Variants in PHACTR2 observed in about 807,000 individuals in gnomAD.
PHACTR2 encodes chromosome 6 open reading frame 56.
In PHACTR2, 30 loss-of-function variants were observed where a neutral mutation model predicts 76.0. The observed-to-expected ratio is 0.39, with a 90% CI of 0.30 to 0.54. The LOEUF is 0.54. Ranked by LOEUF, PHACTR2 falls within the 20% of genes least tolerant of loss-of-function variation. PHACTR2 has a pLI of 0.61. For synonymous variants in PHACTR2, 292 were observed against 292.5 expected, an observed-to-expected ratio of 1.00 and a Z score of 0.02; for missense variants, 696 against 781.1, an observed-to-expected ratio of 0.89 and a Z score of 1.30.
intron 2 of PHACTR2, among the ~76,000 whole-genome samples, chr6:143,714,828 T>C (rs1778267141): frequency 1.3e-5 from 2 of 152,192 alleles, no homozygotes; most frequent in Admixed American, 6.5e-5. Context: ...CATCTTTTTT[T>C]CCCCTACATA....
rs1273854993 is a variant in PHACTR2 at position 143,683,909 on chromosome 6, GCAGT to G, written c.46+5703_46+5706del. On this transcript the variant is annotated intron_variant, in intron 1 of 12. Coordinates refer to ENST00000440869, the MANE Select transcript of PHACTR2 (RefSeq NM_001100164.2). This position sits in a 1 kb window ranked among gnomAD's most constrained non-coding sequence, Gnocchi z 4.1. ...TTCATTCATAGATATATCTTTATCA[GCAGT>G]CAAACAAGACATACTATACTTACTG... Among the ~76,000 whole-genome samples, 2 of 152,016 alleles carry G rather than the reference GCAGT, an allele frequency of 1.3e-5. No individual in the cohort carries two copies. The highest frequency in any genetic ancestry group is 1.9e-4 in the East Asian group (1 of 5,194).
At position 143,783,459 on chromosome 6, in the gene PHACTR2, A is replaced by G. The variant is rs894121857; in HGVS notation, c.1707+179A>G. On this transcript the variant is annotated intron_variant, in intron 10 of 12. Coordinates refer to ENST00000440869, the MANE Select transcript of PHACTR2 (RefSeq NM_001100164.2). The surrounding 1 kb of genome is among the most constrained non-coding windows in gnomAD (Gnocchi z 5.2). ...ACATGGTGAAACCCTAGCTCTACAA[A>G]AAATAAAAAAATTAGCCGGCATGGT... Among the ~76,000 whole-genome samples, 3 of 152,200 alleles carry G rather than the reference A, an allele frequency of 2.0e-5. No individual in the cohort carries two copies. The highest frequency in any genetic ancestry group is 7.2e-5 in the African/African-American group (3 of 41,446).
intron 1 of PHACTR2, among the ~76,000 whole-genome samples, chr6:143,693,687 A>G (rs1035696069): frequency 3.3e-5 from 5 of 152,168 alleles, no homozygotes; most frequent in Admixed American, 6.5e-5. Flanking sequence ...TTCTTAACCA[A>G]TTAAGGCCTC....
At chr6:143,667,473 C>A (rs9496723) in intron 1 of PHACTR2, among the ~76,000 whole-genome samples, 10,135 of 152,190 alleles carry the variant, frequency 0.067, 1,093 homozygotes, top group African/African-American at 0.23. Context: ...GACAGTATGG[C>A]CATTTTTATG....
At chr6:143,788,642 C>CTTT in intron 10 of PHACTR2, 131 bp from the exon 11 acceptor site, 17 of 435,888 alleles carry the variant, frequency 3.9e-5, no homozygotes, top group South Asian at 2.1e-4. Context: ...ATGCTGTTGC[C>CTTT]TTTTTTTTTT....
rs756768373 is a variant in PHACTR2, at chr6:143,822,030, T to C, written c.1923-1644T>C. ...CCCAACCCACCCTGCAAAAAGTAGG[T>C]AGAGGAAAGGGCATTAGCGCAAAAG... On this transcript the variant is annotated intron_variant, in intron 12 of 12. Coordinates refer to ENST00000440869, the MANE Select transcript of PHACTR2 (RefSeq NM_001100164.2). This position sits in a 1 kb window ranked among gnomAD's most constrained non-coding sequence, Gnocchi z 5.5. Among the ~76,000 whole-genome samples the C allele has an allele frequency of 6.6e-6, 1 of 151,334 alleles. No individual in the cohort carries two copies. The highest frequency in any genetic ancestry group is 1.5e-5 in the Non-Finnish European group (1 of 67,844).
rs1207799538 is a variant in PHACTR2, at chr6:143,698,315, T to A, written c.47-13701T>A. ...TCGCAAGTGGGGCATCCTCAATAACTATGTTAGAAAAAGTATAAAATCAAT... is the reference window on the plus strand; with the variant it reads ...TCGCAAGTGGGGCATCCTCAATAACAATGTTAGAAAAAGTATAAAATCAAT... On this transcript the variant is annotated intron_variant, in intron 1 of 12. Coordinates refer to ENST00000440869, the MANE Select transcript of PHACTR2 (RefSeq NM_001100164.2). The surrounding 1 kb of genome is among the most constrained non-coding windows in gnomAD (Gnocchi z 4.3). Among the ~76,000 whole-genome samples the A allele has an allele frequency of 6.6e-6, 1 of 152,174 alleles. No homozygotes were observed. The highest frequency in any genetic ancestry group is 1.5e-5 in the Non-Finnish European group (1 of 68,044).
chr6:143,567,149 C>A (rs1229837691), intron 1 of PHACTR2, among the ~76,000 whole-genome samples: 1 of 152,126 alleles, frequency 6.6e-6, no homozygotes, highest in Non-Finnish European at 1.5e-5. Flanking sequence ...CTTTAATTCA[C>A]TACCTCGAAG....
rs1332987663 is a variant in PHACTR2 at position 143,659,986 on chromosome 6, G to C, written c.13+51664G>C. On this transcript the variant is annotated intron_variant, in intron 1 of 11. Transcript: ENST00000305766. This position sits in a 1 kb window ranked among gnomAD's most constrained non-coding sequence, Gnocchi z 5.0. ...AAACTTAAATGTATGTATTTAGTAG[G>C]TACATATTAAATGTCATTATGGTAA... Among the ~76,000 whole-genome samples the C allele has an allele frequency of 6.6e-6, 1 of 152,118 alleles. No individual in the cohort carries two copies. The highest frequency in any genetic ancestry group is 2.4e-5 in the African/African-American group (1 of 41,408).
At chr6:143,798,478 G>A (rs1775880629) in intron 11 of PHACTR2, among the ~76,000 whole-genome samples, 1 of 152,268 alleles carries the variant, frequency 6.6e-6, no homozygotes, top group Admixed American at 6.5e-5. Flanking sequence ...TCTTGTGCCG[G>A]TTTTCAAAGG....
intron 1 of PHACTR2, among the ~76,000 whole-genome samples, chr6:143,577,242 G>A (rs535911585): frequency 7.2e-5 from 11 of 152,172 alleles, no homozygotes; most frequent in Non-Finnish European, 1.6e-4. Flanking sequence ...CCAAAACCCT[G>A]TGCCAGGCAA....
rs1445394769 is a variant in PHACTR2, at chr6:143,811,508, A to G, written c.1922+4375A>G. Among the ~76,000 whole-genome samples, 1 of 152,178 alleles carries G rather than the reference A, an allele frequency of 6.6e-6. No homozygotes were observed. Among genetic ancestry groups the G allele is most frequent in the Non-Finnish European group, 1.5e-5 (1 of 68,028 alleles). ...TGCAAATATATAAGCTTTCAGGGAGAGTAACAGCTAATATCAAGGGTAAAT... is the reference window on the plus strand; with the variant it reads ...TGCAAATATATAAGCTTTCAGGGAGGGTAACAGCTAATATCAAGGGTAAAT... On this transcript the variant is annotated intron_variant, in intron 12 of 12. Coordinates refer to ENST00000440869, the MANE Select transcript of PHACTR2 (RefSeq NM_001100164.2). The surrounding 1 kb of genome is among the most constrained non-coding windows in gnomAD (Gnocchi z 4.1).
intron 1 of PHACTR2, among the ~76,000 whole-genome samples, chr6:143,637,256 A>T (rs1776472899): frequency 6.6e-6 from 1 of 151,954 alleles, no homozygotes; most frequent in Non-Finnish European, 1.5e-5. Context: ...CCTTCCAAAT[A>T]ATTTTTTTTC....
upstream of PHACTR2, among the ~76,000 whole-genome samples, chr6:143,605,157 G>A (rs1775856283): frequency 6.6e-6 from 1 of 152,122 alleles, no homozygotes; most frequent in Non-Finnish European, 1.5e-5. The surrounding 1 kb of genome is among the most constrained non-coding windows in gnomAD (Gnocchi z 5.0). Context: ...GTGAGGGGTT[G>A]TGTCCTTCTT....
intron 1 of PHACTR2, among the ~76,000 whole-genome samples, chr6:143,593,801 G>T (rs190290187): frequency 6.6e-6 from 1 of 152,290 alleles, no homozygotes; most frequent in East Asian, 1.9e-4. Context: ...CCCTGTACTG[G>T]ACACCTTCCT....
In PHACTR2 at chr6:143,656,890, C is replaced by A. The variant is rs958689704; in HGVS notation, c.13+48568C>A. On this transcript the variant is annotated intron_variant, in intron 1 of 11. Transcript: ENST00000305766. This position sits in a 1 kb window ranked among gnomAD's most constrained non-coding sequence, Gnocchi z 5.3. ...ATGAACATAGGCTTGATTGGCCACACGAAAATTTAAATATTATGAATGTTG... is the reference window on the plus strand; with the variant it reads ...ATGAACATAGGCTTGATTGGCCACAAGAAAATTTAAATATTATGAATGTTG... Among the ~76,000 whole-genome samples the A allele has an allele frequency of 6.6e-6, 1 of 152,046 alleles. No individual in the cohort carries two copies. Among genetic ancestry groups the A allele is most frequent in the African/African-American group, 2.4e-5 (1 of 41,382 alleles).
Position 143,541,648 on chromosome 6 carries a change from T to G in PHACTR2, c.217+4441T>G, listed in dbSNP as rs538718621. Among the ~76,000 whole-genome samples the G allele has an allele frequency of 6.6e-6, 1 of 152,310 alleles. No homozygotes were observed. The highest frequency in any genetic ancestry group is 2.4e-5 in the African/African-American group (1 of 41,554). ...TAGGGGTAACAGCAAATCCAGGATC[T>G]TTTTCTCAAATCTTTAATTCCTGGT... On this transcript the variant is annotated intron_variant, in intron 1 of 11. Coordinates refer to the PHACTR2 transcript ENST00000367584. The surrounding 1 kb of genome is among the most constrained non-coding windows in gnomAD (Gnocchi z 5.3).
chr6:143,579,419 C>CAAAACA (rs1435393472), intron 1 of PHACTR2, among the ~76,000 whole-genome samples: 1 of 151,852 alleles, frequency 6.6e-6, no homozygotes, highest in Non-Finnish European at 1.5e-5. Context: ...TAGTAGAAAA[C>CAAAACA]AAAACAACAA....
intron 2 of PHACTR2, among the ~76,000 whole-genome samples, chr6:143,724,427 C>T (rs1299175105): frequency 2.0e-5 from 3 of 152,212 alleles, no homozygotes; most frequent in Non-Finnish European, 4.4e-5. Flanking sequence ...CCACCGCGCC[C>T]AGCCTAATTC....
Sources: gnomAD v4.1 joint callset for allele counts (sites outside exome capture counted in the v4.1 genomes callset) on GRCh38, gnomAD v4.1.1 for gene constraint, Gnocchi (gnomAD v3.1) non-coding constraint, MANE v1.5 for transcripts, NCBI Gene and HGNC (gene_info 2026-07-23, HGNC 2026-07-21) for gene names.